The following ACACA variants were observed in gnomAD, a reference collection of about 807,000 sequenced individuals.
ACACA encodes the protein acetyl-CoA carboxylase alpha.
ACACA carries 103 observed loss-of-function variants against 296.1 expected under a neutral mutation model. The observed-to-expected ratio is 0.35, with a 90% CI of 0.30 to 0.41. The LOEUF (loss-of-function observed/expected upper bound fraction) is 0.41. Ranked by LOEUF, ACACA falls within the 10% of genes least tolerant of loss-of-function variation. ACACA has a pLI of 1.00. For missense variants in ACACA, 1,554 were observed against 2,989.7 expected (o/e 0.52, Z 11.20); for synonymous variants, 953 against 1,038.6 (o/e 0.92, Z 1.58).
intron 1 of ACACA, among the ~76,000 whole-genome samples, chr17:37,390,516 A>G (rs751427625): frequency 4.1e-5 from 6 of 147,708 alleles, no homozygotes; most frequent in Non-Finnish European, 8.9e-5. Context: ...AGTCCCAGCT[A>G]CTCGGGAGGC....
chr17:37,314,764 C>G (rs1480991922), intron 3 of ACACA, among the ~76,000 whole-genome samples: 2 of 151,280 alleles, frequency 1.3e-5, no homozygotes, highest in Non-Finnish European at 2.9e-5. Flanking sequence ...CCTCAGCCTC[C>G]CAAGTAGCTG....
chr17:37,324,767 G>A (rs535428297), intron 3 of ACACA, among the ~76,000 whole-genome samples: 2 of 148,138 alleles, frequency 1.4e-5, no homozygotes, highest in African/African-American at 2.5e-5. Context: ...CCCGGGAGGC[G>A]GAGGTTGTGG....
At chr17:37,351,196 T>C (rs1476624185) in intron 1 of ACACA, among the ~76,000 whole-genome samples, 2 of 151,692 alleles carry the variant, frequency 1.3e-5, no homozygotes, top group African/African-American at 4.8e-5. Context: ...GTGCGGTGGC[T>C]CACGCCTGTA....
chr17:37,212,079 C>T (rs1311303816), intron 29 of ACACA, among the ~76,000 whole-genome samples: 11 of 152,198 alleles, frequency 7.2e-5, no homozygotes, highest in East Asian at 1.9e-4. Context: ...AGAAAGGGGC[C>T]GCCTGCACAG....
At chr17:37,224,852 G>T in intron 27 of ACACA, 140 bp downstream of exon 27, 1 of 411,342 alleles carries the variant, frequency 2.4e-6, no homozygotes, top group Non-Finnish European at 4.2e-6. Context: ...ATTTTAGAAA[G>T]TCAAGATATG....
intron 35 of ACACA, among the ~76,000 whole-genome samples, chr17:37,199,291 G>C (rs1033497822): frequency 3.4e-5 from 5 of 146,214 alleles, no homozygotes; most frequent in African/African-American, 1.2e-4. Context: ...ACATCCTCTA[G>C]AATCTTAGTT....
chr17:37,363,179 C>CTTTTTTTTT (rs902746004), intron 1 of ACACA, among the ~76,000 whole-genome samples: 35 of 72,840 alleles, frequency 4.8e-4, no homozygotes, highest in African/African-American at 7.3e-4. Flanking sequence ...TTCTCTTTTT[C>CTTTTTTTTT]TTTTTTTTTT....
intron 52 of ACACA, among the ~76,000 whole-genome samples, chr17:37,108,314 A>G (rs1034699275): frequency 2.0e-5 from 3 of 152,232 alleles, no homozygotes; most frequent in African/African-American, 7.2e-5. Context: ...TAAAAAAATA[A>G]AAATTCTAGA....
rs367693267 is a variant in ACACA, at chr17:37,406,284, G to C, written c.16C>G (p.Leu6Val). The C allele has an allele frequency of 1.2e-6, 2 of 1,614,172 alleles. No homozygotes were observed. MWWST[L>V]MSILRARSFW... ...TACCTAGCCCTCAAGATTGACATCA[G>C]AGTAGACCACCACATCCTCTCATCA... Residue 6 changes from leucine (L) to valine (V), a missense_variant, in exon 1 of 56, where the codon CTG becomes GTG. Leu to Val is a conservative substitution (Grantham distance 32). Coordinates refer to ENST00000616317, the MANE Select transcript of ACACA (RefSeq NM_198834.3).
At chr17:37,325,003 C>T (rs62069559) in intron 3 of ACACA, among the ~76,000 whole-genome samples, 1 of 151,348 alleles carries the variant, frequency 6.6e-6, no homozygotes, top group Non-Finnish European at 1.5e-5. Context: ...GAGTTCGAGA[C>T]CTGCCTGACG....
intron 1 of ACACA, chr17:37,388,849 GTTCCAGAGGCAGC>G (rs2050667085): frequency 6.3e-7 from 1 of 1,592,598 alleles, no homozygotes; most frequent in Non-Finnish European, 8.6e-7. Context: ...ACTTTCTTCT[GTTCCAGAGGCAGC>G]TTGGCATAAG....
In ACACA at chr17:37,248,040, A is replaced by G. The variant is rs764301748; in HGVS notation, c.2280T>C (p.Tyr760=). Residue 760 remains tyrosine (Y), a synonymous_variant, in exon 18 of 56, where the codon TAT becomes TAC. Coordinates refer to ENST00000616317, the MANE Select transcript of ACACA (RefSeq NM_198834.3). ...CCACTTCCTCTTTCATATACGTAGT[A>G]TAACTGCTGCCATCATAGGACAAGA... ...GLLLSYDGSS[Y]TTYMKEEVDR... The G allele has an allele frequency of 3.7e-6, 6 of 1,614,072 alleles. No homozygotes were observed. The East Asian group carries it at 1.1e-4, about 30-fold the overall frequency.
chr17:37,162,166 T>A, intron 41 of ACACA, 116 bp from the exon 42 acceptor site: 1 of 1,145,378 alleles, frequency 8.7e-7, no homozygotes. Flanking sequence ...AGATACACAT[T>A]GCTAAAGAGC....
intron 50 of ACACA, among the ~76,000 whole-genome samples, chr17:37,119,200 G>T (rs1397683835): frequency 6.6e-6 from 1 of 152,018 alleles, no homozygotes; most frequent in Admixed American, 6.5e-5. Flanking sequence ...CCTTCCCTTT[G>T]ATATACTACT....
chr17:37,322,181 A>C (rs1281536654), intron 3 of ACACA, among the ~76,000 whole-genome samples: 1 of 152,218 alleles, frequency 6.6e-6, no homozygotes, highest in Admixed American at 6.6e-5. Flanking sequence ...AAGAAATAGA[A>C]ATATAACTCA....
chr17:37,108,147 T>G (rs1473074121), intron 52 of ACACA, among the ~76,000 whole-genome samples: 1 of 152,182 alleles, frequency 6.6e-6, no homozygotes, highest in Non-Finnish European at 1.5e-5. Flanking sequence ...GCCTGGGCTT[T>G]GCTCACTTTT....
At chr17:37,344,889 C>T (rs1469941089) in intron 1 of ACACA, among the ~76,000 whole-genome samples, 1 of 152,204 alleles carries the variant, frequency 6.6e-6, no homozygotes, top group East Asian at 1.9e-4. Context: ...AGTCAGGTGC[C>T]TGCTGCTCTA....
intron 40 of ACACA, 25 bp downstream of exon 40, chr17:37,181,176 C>CA: frequency 2.5e-6 from 4 of 1,613,774 alleles, no homozygotes; most frequent in Non-Finnish European, 3.4e-6. Context: ...TAGAACATGT[C>CA]AGACCCTCCA....
At chr17:37,360,195 AAGAACAGGGTG>A (rs1159752962) in intron 1 of ACACA, 1 of 152,178 alleles carries the variant, frequency 6.6e-6, no homozygotes, top group Non-Finnish European at 1.5e-5. Context: ...TGCACTTGAG[AAGAACAGGGTG>A]AACTCAGCCC....
Sources: gnomAD v4.1 joint callset for allele counts (sites outside exome capture counted in the v4.1 genomes callset) on GRCh38, gnomAD v4.1.1 for gene constraint, MANE v1.5 for transcripts, NCBI Gene and HGNC (gene_info 2026-07-23, HGNC 2026-07-21) for gene names.